The following FBXW7 variants were observed in gnomAD, a reference collection of about 807,000 sequenced individuals.
The protein encoded by FBXW7 is F-box/WD repeat-containing protein 7.
FBXW7 carries 11 observed loss-of-function variants against 86.3 expected under a neutral mutation model. That is an observed-to-expected ratio of 0.13 (90% CI 0.08 to 0.21). FBXW7 has a LOEUF of 0.21. FBXW7 is among the 10% of genes least tolerant of loss of function. The pLI is 1.00. For synonymous variants in FBXW7, 313 were observed against 297.9 expected (o/e 1.05, Z -0.52); for missense variants, 488 against 847.4 (o/e 0.58, Z 5.27).
At chr4:152,485,998 T>C (rs559095128) in intron 2 of FBXW7, among the ~76,000 whole-genome samples, 2 of 152,204 alleles carry the variant, frequency 1.3e-5, no homozygotes, top group Non-Finnish European at 2.9e-5. Flanking sequence ...GTATAGCCCA[T>C]TGCTCCTAGG....
chr4:152,487,125 GAAT>G (rs1745416743), intron 2 of FBXW7, among the ~76,000 whole-genome samples: 1 of 152,102 alleles, frequency 6.6e-6, no homozygotes, highest in Non-Finnish European at 1.5e-5. Flanking sequence ...AATGTGGAAA[GAAT>G]AATAGATGTA....
At chr4:152,525,465 C>T (rs576964780) in intron 2 of FBXW7, among the ~76,000 whole-genome samples, 2 of 152,310 alleles carry the variant, frequency 1.3e-5, no homozygotes, top group African/African-American at 4.8e-5. Flanking sequence ...TCCTCCAACC[C>T]TCCCCCTCAA....
chr4:152,473,978 A>G (rs1316966854), intron 2 of FBXW7, among the ~76,000 whole-genome samples: 1 of 152,118 alleles, frequency 6.6e-6, no homozygotes, highest in Non-Finnish European at 1.5e-5. Context: ...AAACCTCCCC[A>G]GGGGTCACAT....
chr4:152,457,992 C>T (rs952903067), intron 2 of FBXW7, among the ~76,000 whole-genome samples: 7 of 150,846 alleles, frequency 4.6e-5, no homozygotes, highest in Non-Finnish European at 1.0e-4. Flanking sequence ...TTACAATATA[C>T]TTTCTTTGTT....
chr4:152,324,461 C>T (rs1467415614), intron 12 of FBXW7, 67 bp from the exon 13 acceptor site: 3 of 1,292,230 alleles, frequency 2.3e-6, no homozygotes, highest in Non-Finnish European at 3.3e-6. Context: ...TGACCTTAAT[C>T]CTAGTAGGAA....
At chr4:152,448,137 G>A (rs757318344) in intron 2 of FBXW7, among the ~76,000 whole-genome samples, 1 of 152,212 alleles carries the variant, frequency 6.6e-6, no homozygotes, top group Non-Finnish European at 1.5e-5. Flanking sequence ...TGCTTTAAGT[G>A]GCCGGCAGTC....
chr4:152,502,726 G>A (rs964054886), intron 2 of FBXW7, among the ~76,000 whole-genome samples: 3 of 152,102 alleles, frequency 2.0e-5, no homozygotes, highest in African/African-American at 4.8e-5. Context: ...GAAACTGGAA[G>A]AAGGTATGCT....
intron 2 of FBXW7, among the ~76,000 whole-genome samples, chr4:152,506,633 A>C (rs1464222749): frequency 6.6e-6 from 1 of 152,252 alleles, no homozygotes; most frequent in Non-Finnish European, 1.5e-5. Context: ...GTAAACAGGT[A>C]ATATTGCACA....
At chr4:152,469,180 A>G (rs1743724124) in intron 2 of FBXW7, among the ~76,000 whole-genome samples, 1 of 152,042 alleles carries the variant, frequency 6.6e-6, no homozygotes, top group African/African-American at 2.4e-5. Context: ...AAAACAACCA[A>G]AAGCCTATAC....
intron 2 of FBXW7, among the ~76,000 whole-genome samples, chr4:152,413,436 A>G (rs1381462046): frequency 1.3e-5 from 2 of 152,144 alleles, no homozygotes; most frequent in East Asian, 3.8e-4. Flanking sequence ...TAAAAGAAAT[A>G]GAATTTTAAA....
chr4:152,448,355 A>C (rs1018643825), intron 2 of FBXW7, among the ~76,000 whole-genome samples: 1 of 152,266 alleles, frequency 6.6e-6, no homozygotes, highest in East Asian at 1.9e-4. Flanking sequence ...TGCTAAGAAC[A>C]TCTTTAATTG....
chr4:152,382,861 G>T (rs1735211403), intron 4 of FBXW7, among the ~76,000 whole-genome samples: 2 of 151,514 alleles, frequency 1.3e-5, no homozygotes, highest in African/African-American at 2.4e-5. Context: ...TGAATTTTTT[G>T]AACTGTGTTT....
chr4:152,471,483 G>A (rs1178190295), intron 2 of FBXW7, among the ~76,000 whole-genome samples: 3 of 121,798 alleles, frequency 2.5e-5, no homozygotes, highest in Non-Finnish European at 3.4e-5. Flanking sequence ...GAAGCAGGGA[G>A]GGAAAGGGGG....
At chr4:152,466,896 C>T (rs185289040) in intron 2 of FBXW7, among the ~76,000 whole-genome samples, 2 of 152,040 alleles carry the variant, frequency 1.3e-5, no homozygotes, top group Non-Finnish European at 2.9e-5. Flanking sequence ...GAGCTGAGAT[C>T]GCGCCACTGC....
At chr4:152,414,002 A>T (rs1260386236) in intron 2 of FBXW7, among the ~76,000 whole-genome samples, 2 of 152,162 alleles carry the variant, frequency 1.3e-5, no homozygotes, top group African/African-American at 2.4e-5. Context: ...CACTGAATTA[A>T]CAAATACTGA....
chr4:152,424,681 T>C (rs1031731640), intron 2 of FBXW7, among the ~76,000 whole-genome samples: 3 of 152,226 alleles, frequency 2.0e-5, no homozygotes, highest in Non-Finnish European at 4.4e-5. Context: ...TAGCAACATG[T>C]TAAGGAATTC....
chr4:152,494,813 A>C (rs771340711), intron 2 of FBXW7, among the ~76,000 whole-genome samples: 1 of 152,224 alleles, frequency 6.6e-6, no homozygotes, highest in Non-Finnish European at 1.5e-5. Flanking sequence ...ACCAATAACT[A>C]ATACTGTTCT....
intron 4 of FBXW7, among the ~76,000 whole-genome samples, chr4:152,374,578 T>G (rs1034705919): frequency 8.5e-5 from 13 of 152,050 alleles, no homozygotes; most frequent in African/African-American, 3.1e-4. Context: ...CATAGAAATA[T>G]TTATACTAAC....
intron 4 of FBXW7, among the ~76,000 whole-genome samples, chr4:152,398,519 AAAT>A (rs1388601019): frequency 3.9e-5 from 6 of 151,968 alleles, no homozygotes; most frequent in Non-Finnish European, 7.4e-5. Flanking sequence ...TTTTTCCCAC[AAAT>A]AATTGTAATG....
Sources: gnomAD v4.1 joint callset for allele counts (sites outside exome capture counted in the v4.1 genomes callset) on GRCh38, gnomAD v4.1.1 for gene constraint, MANE v1.5 for transcripts, NCBI Gene and HGNC (gene_info 2026-07-23, HGNC 2026-07-21) for gene names.